Variants in IMMP2L observed in about 807,000 individuals in gnomAD.
The protein encoded by IMMP2L is inner mitochondrial membrane peptidase subunit 2.
Under a neutral mutation model 19.3 loss-of-function variants are expected in IMMP2L, and 18 were observed. The ratio of observed to expected loss-of-function variants is 0.93; its 90% CI spans 0.64 to 1.38. The LOEUF (loss-of-function observed/expected upper bound fraction) is 1.38, where lower values mean the gene tolerates loss of function less well. IMMP2L is among the 40% of genes most tolerant of loss of function. The pLI is 0.00. For missense variants in IMMP2L, 233 were observed against 218.2 expected (o/e 1.07, Z -0.43); for synonymous variants, 76 against 73.0 (o/e 1.04, Z -0.21).
chr7:111,413,495 A>G (rs920919765), intron 3 of IMMP2L, among the ~76,000 whole-genome samples: 17 of 152,250 alleles, frequency 1.1e-4, no homozygotes, highest in African/African-American at 4.1e-4. Context: ...ATATAAAAAA[A>G]AAATACATCA....
At chr7:110,983,808 T>C (rs1821555122) in intron 3 of IMMP2L, among the ~76,000 whole-genome samples, 1 of 151,914 alleles carries the variant, frequency 6.6e-6, no homozygotes, top group Non-Finnish European at 1.5e-5. Context: ...GGGAAGAGAA[T>C]GGGAAAAAGG....
chr7:110,864,896 G>A (rs888419116), intron 5 of IMMP2L, among the ~76,000 whole-genome samples: 3 of 151,910 alleles, frequency 2.0e-5, no homozygotes, highest in African/African-American at 7.2e-5. Context: ...TTTCTCTTCA[G>A]TTTAACAATC....
At chr7:110,956,312 G>A (rs936774879) in intron 4 of IMMP2L, among the ~76,000 whole-genome samples, 10 of 151,990 alleles carry the variant, frequency 6.6e-5, no homozygotes, top group African/African-American at 2.4e-4. Context: ...GTTAAAGAAA[G>A]CCTTGTGCTG....
intron 1 of IMMP2L, among the ~76,000 whole-genome samples, chr7:111,555,658 T>G (rs1271084864): frequency 6.6e-6 from 1 of 152,116 alleles, no homozygotes; most frequent in Non-Finnish European, 1.5e-5. Context: ...TTTTTCTTTC[T>G]GCATTTGGCT....
intron 3 of IMMP2L, among the ~76,000 whole-genome samples, chr7:111,304,178 T>C (rs1822576807): frequency 6.6e-6 from 1 of 152,080 alleles, no homozygotes; most frequent in African/African-American, 2.4e-5. Context: ...TTATCATGAA[T>C]TAAACTAATG....
chr7:110,762,436 C>T (rs184494000), intron 5 of IMMP2L, among the ~76,000 whole-genome samples: 2 of 152,192 alleles, frequency 1.3e-5, no homozygotes, highest in East Asian at 1.9e-4. Flanking sequence ...CAAAATGGCA[C>T]GTTCTGTGTA....
chr7:111,413,086 A>G (rs1265168460), intron 3 of IMMP2L, among the ~76,000 whole-genome samples: 1 of 51,482 alleles, frequency 1.9e-5, no homozygotes, highest in Non-Finnish European at 4.5e-5. Flanking sequence ...ATCGAAACAA[A>G]AACAGAGGAC....
At chr7:110,795,347 AGATTGGT>A (rs1647385796) in intron 5 of IMMP2L, among the ~76,000 whole-genome samples, 1 of 152,112 alleles carries the variant, frequency 6.6e-6, no homozygotes, top group Non-Finnish European at 1.5e-5. Flanking sequence ...GTCTAAAGCA[AGATTGGT>A]GTTTTAAAAA....
rs1300812148 is a variant in IMMP2L at position 111,562,233 on chromosome 7, G to GCGCCTCAGATAAACACGCGCACGCACA, written c.-412_-386dup. On this transcript the variant is annotated 5_prime_UTR_variant, in exon 1 of 6. Transcript: ENST00000405709. Reference sequence around the variant, plus strand: ...GACTAGGCTGGGGTGGCCGCCGCACGCGCCTCAGATAAACACGCGCACGCA... The same window carrying GCGCCTCAGATAAACACGCGCACGCACA: ...GACTAGGCTGGGGTGGCCGCCGCACGCGCCTCAGATAAACACGCGCACGCACACGCCTCAGATAAACACGCGCACGCA... The GCGCCTCAGATAAACACGCGCACGCACA allele has an allele frequency of 3.9e-5, 6 of 152,170 alleles. No homozygotes were observed. The highest frequency in any genetic ancestry group is 1.5e-5 in the Non-Finnish European group (1 of 68,068). 9.4% of individuals were successfully genotyped at this position (152,170 alleles called of 1,614,324 possible).
chr7:110,677,324 T>C (rs1372762145), intron 5 of IMMP2L, among the ~76,000 whole-genome samples: 5 of 152,204 alleles, frequency 3.3e-5, no homozygotes. Context: ...ATCAAAAAGA[T>C]ATTTTTTAAA....
intron 5 of IMMP2L, among the ~76,000 whole-genome samples, chr7:110,704,485 C>T (rs1280044451): frequency 6.6e-6 from 1 of 152,180 alleles, no homozygotes; most frequent in East Asian, 1.9e-4. Flanking sequence ...CTATCGTAAC[C>T]ATTTTGTTAT....
At chr7:111,402,123 AAATAATAAT>A (rs59071691) in intron 3 of IMMP2L, among the ~76,000 whole-genome samples, 44,627 of 137,070 alleles carry the variant, frequency 0.33, 7,700 homozygotes, top group South Asian at 0.52. Context: ...CCCATCTCAA[AAATAATAAT>A]AATAATAATA....
intron 5 of IMMP2L, among the ~76,000 whole-genome samples, chr7:110,863,377 T>A (rs1807649949): frequency 6.6e-6 from 1 of 152,136 alleles, no homozygotes; most frequent in Non-Finnish European, 1.5e-5. Flanking sequence ...AAAAGAGCAA[T>A]GGAAAGTCCA....
At chr7:111,468,803 G>A (rs934217286) in intron 3 of IMMP2L, among the ~76,000 whole-genome samples, 2 of 152,120 alleles carry the variant, frequency 1.3e-5, no homozygotes, top group Non-Finnish European at 2.9e-5. Context: ...AAGACTCTGT[G>A]TCTAACTGGA....
In IMMP2L at chr7:111,446,735, C is replaced by G. The variant is rs989425324; in HGVS notation, c.239+40503G>C. ...TGATTTCGATGAGCTAAGAGAGGAA[C>G]GCTTCAGACGATCAAATTACTCTGA... On this transcript the variant is annotated intron_variant, in intron 3 of 5. Transcript: ENST00000405709. Among the ~76,000 whole-genome samples the G allele has an allele frequency of 3.3e-5, 5 of 152,304 alleles. No homozygotes were observed. The South Asian group carries it at 1.0e-3, about 32-fold the overall frequency.
chr7:110,782,986 T>C (rs1799837712), intron 5 of IMMP2L, among the ~76,000 whole-genome samples: 1 of 151,834 alleles, frequency 6.6e-6, no homozygotes, highest in Non-Finnish European at 1.5e-5. Context: ...GCTGAGGCAA[T>C]GGAAGAGGAA....
intron 2 of IMMP2L, among the ~76,000 whole-genome samples, chr7:111,500,916 C>G (rs1844164373): frequency 1.3e-5 from 2 of 152,124 alleles, no homozygotes. Context: ...AGCAGAGTGC[C>G]TCTCCTCCTC....
chr7:111,367,114 T>C (rs1563107503), intron 3 of IMMP2L, among the ~76,000 whole-genome samples: 1 of 151,722 alleles, frequency 6.6e-6, no homozygotes, highest in African/African-American at 2.4e-5. Flanking sequence ...ATGCTGACAG[T>C]GTTCTCGGTG....
At chr7:111,085,582 G>A (rs1343546856) in intron 3 of IMMP2L, among the ~76,000 whole-genome samples, 1 of 152,150 alleles carries the variant, frequency 6.6e-6, no homozygotes, top group Non-Finnish European at 1.5e-5. Context: ...AATGACCAGT[G>A]ATGCTGAGCT....
Sources: gnomAD v4.1 joint callset for allele counts (sites outside exome capture counted in the v4.1 genomes callset) on GRCh38, gnomAD v4.1.1 for gene constraint, MANE v1.5 for transcripts, NCBI Gene and HGNC (gene_info 2026-07-23, HGNC 2026-07-21) for gene names.